Variants in CNTN3 observed in about 807,000 individuals in gnomAD.
CNTN3 encodes the protein contactin-3.
In CNTN3, 60 loss-of-function variants were observed where a neutral mutation model predicts 119.1. The ratio of observed to expected loss-of-function variants is 0.50; its 90% CI spans 0.41 to 0.62. The LOEUF (loss-of-function observed/expected upper bound fraction) is 0.62, where lower values mean the gene tolerates loss of function less well. Ranked by LOEUF, CNTN3 falls within the 20% of genes least tolerant of loss-of-function variation. The pLI is 0.00. For missense variants in CNTN3, 1,101 were observed against 1,242.4 expected (o/e 0.89, Z 1.71); for synonymous variants, 450 against 438.7 (o/e 1.03, Z -0.32).
chr3:74,329,329 C>T (rs921476127), intron 13 of CNTN3, among the ~76,000 whole-genome samples: 11 of 152,150 alleles, frequency 7.2e-5, no homozygotes, highest in African/African-American at 2.7e-4. Context: ...TTATTACTTC[C>T]AGTGACTTTT....
chr3:74,590,407 G>C (rs551128004), intron 1 of CNTN3, among the ~76,000 whole-genome samples: 1 of 151,976 alleles, frequency 6.6e-6, no homozygotes, highest in South Asian at 2.1e-4. Context: ...GGACCAAATG[G>C]TAAACTTTAA....
chr3:74,264,344 A>G lies in CNTN3; in HGVS notation c.*57T>C. The G allele has an allele frequency of 2.1e-6, 2 of 937,884 alleles. No homozygotes were observed. The highest frequency in any genetic ancestry group is 2.8e-5 in the Admixed American group (1 of 35,556). 58.1% of individuals were successfully genotyped at this position (937,884 alleles called of 1,614,324 possible). A position where few individuals can be genotyped will look rare whatever the true frequency, so the allele number is the denominator to read the frequency against. On this transcript the variant is annotated 3_prime_UTR_variant, in exon 23 of 23. Transcript: ENST00000263665. ...CATGCATAATCACTGCATTTCATGA[A>G]AGCACTTTTTTTGGTAACCAAATAA...
At chr3:74,357,014 C>A (rs988359945) in intron 11 of CNTN3, among the ~76,000 whole-genome samples, 3 of 151,998 alleles carry the variant, frequency 2.0e-5, no homozygotes, top group Non-Finnish European at 4.4e-5. Flanking sequence ...AGCTCCGCCT[C>A]TCAGTTTCAC....
At chr3:74,601,465 G>A (rs1575860865) in intron 1 of CNTN3, among the ~76,000 whole-genome samples, 1 of 151,972 alleles carries the variant, frequency 6.6e-6, no homozygotes, top group Non-Finnish European at 1.5e-5. Context: ...TGTGTTATTG[G>A]GTCTCACAAA....
chr3:74,507,686 C>T (rs1703289927), intron 2 of CNTN3, among the ~76,000 whole-genome samples: 2 of 140,052 alleles, frequency 1.4e-5, no homozygotes, highest in Admixed American at 1.5e-4. Flanking sequence ...GGCTGCAGTG[C>T]AGTGGCCCAA....
chr3:74,480,749 G>C (rs1702749071), intron 4 of CNTN3, among the ~76,000 whole-genome samples: 1 of 151,798 alleles, frequency 6.6e-6, no homozygotes, highest in Non-Finnish European at 1.5e-5. Flanking sequence ...TAAAAATTCA[G>C]CAAAAATATT....
intron 5 of CNTN3, among the ~76,000 whole-genome samples, chr3:74,394,580 CAAAGA>C (rs1209397795): frequency 6.6e-6 from 1 of 151,714 alleles, no homozygotes; most frequent in Admixed American, 6.6e-5. Flanking sequence ...AAGAAAGAAG[CAAAGA>C]AAAGTAAACA....
chr3:74,491,190 T>A (rs1448672665), intron 3 of CNTN3, among the ~76,000 whole-genome samples: 1 of 152,144 alleles, frequency 6.6e-6, no homozygotes, highest in Non-Finnish European at 1.5e-5. Flanking sequence ...TGTCTAGTAT[T>A]TTCATTCATG....
intron 5 of CNTN3, among the ~76,000 whole-genome samples, chr3:74,390,043 C>A (rs556250806): frequency 6.6e-6 from 1 of 152,174 alleles, no homozygotes; most frequent in Non-Finnish European, 1.5e-5. Flanking sequence ...ACTGACCGCC[C>A]ATTCAGATGC....
intron 20 of CNTN3, among the ~76,000 whole-genome samples, chr3:74,268,343 G>C (rs1701704692): frequency 6.6e-6 from 1 of 152,132 alleles, no homozygotes; most frequent in Non-Finnish European, 1.5e-5. Context: ...ATTGCCCTCA[G>C]TGTTATATTT....
intron 13 of CNTN3, among the ~76,000 whole-genome samples, chr3:74,315,574 A>C (rs1399437822): frequency 6.6e-6 from 1 of 152,198 alleles, no homozygotes. Context: ...AATGTATAAA[A>C]AATTCGTACA....
At chr3:74,540,208 T>C (rs1219043285) in intron 1 of CNTN3, among the ~76,000 whole-genome samples, 3 of 152,162 alleles carry the variant, frequency 2.0e-5, no homozygotes, top group African/African-American at 4.8e-5. Flanking sequence ...CAAGATTTTC[T>C]TCATGGATTC....
At chr3:74,541,906 G>A (rs1287248919) in intron 1 of CNTN3, among the ~76,000 whole-genome samples, 1 of 152,128 alleles carries the variant, frequency 6.6e-6, no homozygotes, top group Non-Finnish European at 1.5e-5. Flanking sequence ...AACTCTCACT[G>A]CTTGTTTGTA....
At chr3:74,444,282 TG>T (rs930929446) in intron 4 of CNTN3, among the ~76,000 whole-genome samples, 1 of 151,660 alleles carries the variant, frequency 6.6e-6, no homozygotes, top group Non-Finnish European at 1.5e-5. Context: ...TGTCTCTTAT[TG>T]GGGGGGTTGG....
intron 14 of CNTN3, among the ~76,000 whole-genome samples, chr3:74,302,141 G>A (rs1702472646): frequency 6.6e-6 from 1 of 152,144 alleles, no homozygotes; most frequent in Non-Finnish European, 1.5e-5. Context: ...CTCCTGGTGT[G>A]ATGCCTTTCC....
chr3:74,351,493 A>G (rs1446530145), intron 11 of CNTN3, among the ~76,000 whole-genome samples: 1 of 152,208 alleles, frequency 6.6e-6, no homozygotes, highest in Admixed American at 6.5e-5. Context: ...GTGGCAAGTG[A>G]CACAGCCAAG....
intron 4 of CNTN3, among the ~76,000 whole-genome samples, chr3:74,462,922 T>A (rs949742557): frequency 1.3e-5 from 2 of 152,164 alleles, no homozygotes; most frequent in African/African-American, 4.8e-5. Context: ...CATGCCCTGT[T>A]AATCTCTTCC....
At chr3:74,565,833 C>A (rs1024130364) in intron 1 of CNTN3, among the ~76,000 whole-genome samples, 2 of 152,106 alleles carry the variant, frequency 1.3e-5, no homozygotes, top group Non-Finnish European at 2.9e-5. Context: ...TGTCCCCACC[C>A]AAATCTCATT....
intron 4 of CNTN3, among the ~76,000 whole-genome samples, chr3:74,469,841 A>G (rs558605999): frequency 6.6e-6 from 1 of 152,110 alleles, no homozygotes; most frequent in African/African-American, 2.4e-5. Context: ...TAGCAATCCC[A>G]CTCTTAGGTA....
Sources: allele counts gnomAD v4.1 joint callset (sites outside exome capture counted in the v4.1 genomes callset), GRCh38; gene constraint gnomAD v4.1.1; transcripts MANE v1.5; gene names NCBI Gene and HGNC (gene_info 2026-07-23, HGNC 2026-07-21).